LMO7: variants seen among roughly 807,000 people sequenced by gnomAD.
LMO7 encodes the protein LIM domain 7.
A neutral mutation model predicts 206.5 loss-of-function variants in LMO7; 120 were observed. That is an observed-to-expected ratio of 0.58 (90% CI 0.50 to 0.68). The LOEUF (loss-of-function observed/expected upper bound fraction) is 0.68, where lower values mean the gene tolerates loss of function less well. Among genes scored for constraint, LMO7 ranks in the 30% least tolerant of loss-of-function variants. The pLI is 0.00. For synonymous variants in LMO7, 706 were observed against 681.5 expected (o/e 1.04, Z -0.56); for missense variants, 1,959 against 1,957.9 (o/e 1.00, Z -0.01).
chr13:75,753,533 G>A (rs1204503640), intron 3 of LMO7, among the ~76,000 whole-genome samples: 2 of 152,124 alleles, frequency 1.3e-5, no homozygotes, highest in Non-Finnish European at 2.9e-5. Flanking sequence ...ATCTTGAATT[G>A]TAGTTCCCAT....
intron 3 of LMO7, among the ~76,000 whole-genome samples, chr13:75,755,011 A>G (rs563157375): frequency 2.4e-4 from 37 of 152,358 alleles, no homozygotes; most frequent in African/African-American, 8.7e-4. Context: ...GGTCAAGAGA[A>G]TAAGAATGAG....
intron 15 of LMO7, among the ~76,000 whole-genome samples, chr13:75,825,211 A>G (rs143172478): frequency 1.3e-5 from 2 of 152,196 alleles, no homozygotes; most frequent in Non-Finnish European, 2.9e-5. Context: ...GCTAAGTCTC[A>G]GTGGAGAAGA....
upstream of LMO7, among the ~76,000 whole-genome samples, chr13:75,632,953 C>T (rs2035177676): frequency 6.7e-6 from 1 of 149,244 alleles, no homozygotes. Context: ...CTCTGCCCTC[C>T]TGGGTTCAAG....
chr13:75,750,443 G>T (rs1383443686), intron 3 of LMO7, among the ~76,000 whole-genome samples: 2 of 138,716 alleles, frequency 1.4e-5, no homozygotes, highest in South Asian at 2.3e-4. Context: ...AGGCTGGAAT[G>T]CAGTGGTGCA....
chr13:75,662,582 G>C (rs2038706484), intron 1 of LMO7, among the ~76,000 whole-genome samples: 1 of 152,208 alleles, frequency 6.6e-6, no homozygotes, highest in Non-Finnish European at 1.5e-5. Context: ...GCCTCCCAAA[G>C]TGTTGGGATT....
intron 2 of LMO7, among the ~76,000 whole-genome samples, chr13:75,626,595 A>ATTTTT (rs1240937141): frequency 3.7e-4 from 26 of 71,170 alleles, no homozygotes; most frequent in East Asian, 1.8e-3. Context: ...ATATATATAA[A>ATTTTT]TTTTTTTGAG....
chr13:75,627,561 A>G (rs1391197980), intron 2 of LMO7: 2 of 151,616 alleles, frequency 1.3e-5, no homozygotes, highest in African/African-American at 2.4e-5. Flanking sequence ...AAAGTTAATG[A>G]GAGATCAGGT....
At chr13:75,777,652 T>TTG (rs1209710233) in intron 4 of LMO7, among the ~76,000 whole-genome samples, 3 of 149,592 alleles carry the variant, frequency 2.0e-5, no homozygotes, top group Non-Finnish European at 4.5e-5. Flanking sequence ...TTCTTGTTTT[T>TTG]TTTTTTTTTT....
intron 1 of LMO7, among the ~76,000 whole-genome samples, chr13:75,699,133 C>T (rs1049189998): frequency 4.6e-5 from 7 of 152,012 alleles, no homozygotes; most frequent in African/African-American, 7.3e-5. Context: ...TGTATTAGTA[C>T]AGTAGTGTTC....
At chr13:75,823,431 A>C (rs117886005) in intron 14 of LMO7, 134 bp from the exon 15 acceptor site, 13,724 of 704,836 alleles carry the variant, frequency 0.019, 187 homozygotes, top group South Asian at 0.035. Flanking sequence ...ACTCAGCCCA[A>C]GCTTTTAGCA....
At chr13:75,666,229 G>A (rs762265089) in intron 1 of LMO7, among the ~76,000 whole-genome samples, 38 of 152,166 alleles carry the variant, frequency 2.5e-4, no homozygotes, top group Non-Finnish European at 3.5e-4. Flanking sequence ...TTATTGGAAC[G>A]TTAAGCTTGT....
chr13:75,733,531 C>T (rs937143955), intron 3 of LMO7, among the ~76,000 whole-genome samples: 1 of 152,330 alleles, frequency 6.6e-6, no homozygotes. Context: ...CCATCTGTCA[C>T]CCCTTTCTTT....
intron 1 of LMO7, among the ~76,000 whole-genome samples, chr13:75,665,214 ATCTT>A (rs1326438403): frequency 6.6e-6 from 1 of 152,144 alleles, no homozygotes; most frequent in Non-Finnish European, 1.5e-5. Flanking sequence ...AAATATTTAA[ATCTT>A]TCAGAAAAAT....
chr13:75,729,000 G>C (rs546136543), intron 3 of LMO7, among the ~76,000 whole-genome samples: 3 of 152,038 alleles, frequency 2.0e-5, no homozygotes, highest in Admixed American at 1.3e-4. Context: ...TGTTTTGGTA[G>C]CAGTACCATG....
intron 14 of LMO7, among the ~76,000 whole-genome samples, 168 bp from the exon 15 acceptor site, chr13:75,823,397 G>A (rs980244214): frequency 3.3e-5 from 5 of 152,158 alleles, no homozygotes; most frequent in Non-Finnish European, 7.3e-5. Context: ...CCCTCACTAC[G>A]TGTTTATCTG....
At chr13:75,662,800 A>G (rs890258594) in intron 1 of LMO7, among the ~76,000 whole-genome samples, 1 of 152,212 alleles carries the variant, frequency 6.6e-6, no homozygotes, top group African/African-American at 2.4e-5. Context: ...GTGAGGAGAT[A>G]ATGATTAACT....
intron 1 of LMO7, among the ~76,000 whole-genome samples, chr13:75,682,901 C>T (rs1196874182): frequency 6.6e-6 from 1 of 152,150 alleles, no homozygotes; most frequent in East Asian, 1.9e-4. Context: ...TGAGCATATT[C>T]TCATGTGCTT....
At position 75,627,952 on chromosome 13, in the gene LMO7, T is replaced by C. The variant is rs530615632; in HGVS notation, c.225+4632T>C. The C allele has an allele frequency of 4.5e-5, 3 of 67,232 alleles. No individual in the cohort carries two copies. In the South Asian group the frequency reaches 1.2e-3, roughly 27 times the overall value. 4.2% of individuals were successfully genotyped at this position (67,232 alleles called of 1,614,324 possible). A position where few individuals can be genotyped will look rare whatever the true frequency, so the allele number is the denominator to read the frequency against. ...TTCAATGATAGGAAACCCCTCTACT[T>C]GTTAAAAAAAAAAAACACAAAAACC... On this transcript the variant is annotated intron_variant, in intron 2 of 29. Transcript: ENST00000341547.
intron 3 of LMO7, among the ~76,000 whole-genome samples, chr13:75,755,391 T>A (rs2047604265): frequency 6.6e-6 from 1 of 152,202 alleles, no homozygotes; most frequent in Non-Finnish European, 1.5e-5. Flanking sequence ...TCCCTTGTTT[T>A]CCGTATGCTA....
Sources: allele counts gnomAD v4.1 joint callset (sites outside exome capture counted in the v4.1 genomes callset), GRCh38; gene constraint gnomAD v4.1.1; transcripts MANE v1.5; gene names NCBI Gene and HGNC (gene_info 2026-07-23, HGNC 2026-07-21).